PCDHA6: variants seen among roughly 807,000 people sequenced by gnomAD.
The protein encoded by PCDHA6 is protocadherin alpha 6, also known as protocadherin alpha-6.
A neutral mutation model predicts 60.3 loss-of-function variants in PCDHA6; 55 were observed. The observed-to-expected ratio is 0.91, with a 90% confidence interval of 0.73 to 1.14. The LOEUF (loss-of-function observed/expected upper bound fraction) is 1.14, where lower values mean the gene tolerates loss of function less well. Among genes scored for constraint, PCDHA6 ranks in the 50% most tolerant of loss-of-function variants. The probability of loss-of-function intolerance (pLI) is 0.00; values close to 1 mark genes in which losing one functional copy is unlikely to be tolerated. For synonymous variants in PCDHA6, 652 were observed against 557.9 expected, an observed-to-expected ratio of 1.17 and a Z score of -2.38; for missense variants, 1,327 against 1,256.5, an observed-to-expected ratio of 1.06 and a Z score of -0.85.
At chr5:140,934,029 T>A (rs1267400545) in intron 1 of PCDHA6, among the ~76,000 whole-genome samples, 1 of 152,114 alleles carries the variant, frequency 6.6e-6, no homozygotes, top group Admixed American at 6.5e-5. Flanking sequence ...GGAAGTAGTT[T>A]ATTAATGATA....
intron 1 of PCDHA6, among the ~76,000 whole-genome samples, chr5:140,844,768 A>T (rs1393126027): frequency 6.7e-6 from 1 of 149,242 alleles, no homozygotes; most frequent in African/African-American, 2.5e-5. Context: ...AAAATCCAAG[A>T]TACTTTATTT....
At chr5:140,835,995 C>G in intron 1 of PCDHA6, 7 of 1,613,324 alleles carry the variant, frequency 4.3e-6, no homozygotes, top group Non-Finnish European at 5.1e-6. Context: ...GGTGAGCGCG[C>G]GCGATGCGGG....
intron 3 of PCDHA6, among the ~76,000 whole-genome samples, chr5:140,995,012 AGG>A (rs1360435760): frequency 6.6e-6 from 1 of 152,218 alleles, no homozygotes; most frequent in Non-Finnish European, 1.5e-5. Context: ...GTTTATATTT[AGG>A]AAAGAAGATT....
intron 1 of PCDHA6, among the ~76,000 whole-genome samples, chr5:140,887,453 T>C (rs2061454477): frequency 6.6e-6 from 1 of 152,178 alleles, no homozygotes; most frequent in Non-Finnish European, 1.5e-5. Flanking sequence ...TGACAGTTTT[T>C]TAAAAGATAT....
intron 1 of PCDHA6, among the ~76,000 whole-genome samples, chr5:140,894,375 T>G (rs1246573357): frequency 1.3e-5 from 2 of 152,054 alleles, no homozygotes; most frequent in Non-Finnish European, 2.9e-5. Context: ...ATGGCTCCAA[T>G]TATATTTGTA....
At chr5:140,872,920 T>C (rs2153277088) in intron 1 of PCDHA6, among the ~76,000 whole-genome samples, 1 of 152,356 alleles carries the variant, frequency 6.6e-6, no homozygotes, top group South Asian at 2.1e-4. Flanking sequence ...TAATGCCTTA[T>C]CTCTAATGTT....
At chr5:140,902,933 T>C (rs898632295) in intron 1 of PCDHA6, among the ~76,000 whole-genome samples, 56 of 152,346 alleles carry the variant, frequency 3.7e-4, no homozygotes, top group African/African-American at 1.2e-3. Flanking sequence ...GGTGTATATA[T>C]ACCACATTTT....
chr5:140,829,482 T>C lies in PCDHA6; in HGVS notation c.1391T>C (p.Val464Ala). 1.2e-6 allele frequency: 2 copies of C among 1,613,684 alleles called. No homozygotes were observed. Among genetic ancestry groups the C allele is most frequent in the Non-Finnish European group, 1.7e-6 (2 of 1,179,990 alleles). ...AFAQPEYTVF[V>A]KENNPPGCHI... ...GCGCAGCCCGAGTACACAGTGTTCG[T>C]GAAGGAGAACAACCCGCCGGGCTGC... Residue 464 changes from valine (V) to alanine (A), a missense_variant, in exon 1 of 4, where the codon GTG becomes GCG. By Grantham distance (64) the Val-to-Ala change is moderately conservative. Transcript: ENST00000529310.
chr5:140,934,349 T>C (rs1466597753), intron 1 of PCDHA6, among the ~76,000 whole-genome samples: 2 of 152,202 alleles, frequency 1.3e-5, no homozygotes, highest in African/African-American at 4.8e-5. Flanking sequence ...CAGTACAGTG[T>C]GGAGCCACTG....
chr5:140,972,469 C>G (rs782470724), intron 1 of PCDHA6, among the ~76,000 whole-genome samples: 6 of 152,054 alleles, frequency 3.9e-5, no homozygotes, highest in Admixed American at 3.9e-4. Context: ...TATTAAACAT[C>G]AGCATTTAAC....
intron 1 of PCDHA6, chr5:140,836,477 G>A: frequency 1.9e-6 from 3 of 1,613,846 alleles, no homozygotes; most frequent in South Asian, 1.1e-5. Flanking sequence ...ATGTCAACGT[G>A]TACCTGATCA....
chr5:140,861,263 C>T (rs1441824689), intron 1 of PCDHA6: 2 of 174,012 alleles, frequency 1.1e-5, no homozygotes, highest in African/African-American at 4.8e-5. Context: ...ATCCCGGAGC[C>T]TACAGCACTG....
chr5:140,861,591 A>G, intron 1 of PCDHA6: 1 of 374,610 alleles, frequency 2.7e-6, no homozygotes, highest in South Asian at 2.5e-5. Context: ...TGTGGAGGTG[A>G]AAGTGAAGAA....
chr5:140,894,571 T>A (rs782019282), intron 1 of PCDHA6, among the ~76,000 whole-genome samples: 5 of 151,906 alleles, frequency 3.3e-5, no homozygotes, highest in Non-Finnish European at 5.9e-5. Context: ...TTATTTTCCT[T>A]TTTTTTAATA....
chr5:140,958,419 A>C (rs1275772647), intron 1 of PCDHA6, among the ~76,000 whole-genome samples: 1 of 152,196 alleles, frequency 6.6e-6, no homozygotes, highest in Non-Finnish European at 1.5e-5. Flanking sequence ...GCTTGGAAAG[A>C]AGCACTTTTT....
rs2150220578 is a variant in PCDHA6 at position 140,834,540 on chromosome 5, G to A, written c.2394+4055G>A. ...CGTGGGCCGCATCGCGCAGGACCTG[G>A]GGCTGGAGCTGGCGGAGCTGGTGCC... On this transcript the variant is annotated intron_variant, in intron 1 of 3. Transcript: ENST00000529310. The A allele has an allele frequency of 7.4e-6, 12 of 1,614,082 alleles. No individual in the cohort carries two copies. The Admixed American group carries it at 1.0e-4, about 13-fold the overall frequency.
chr5:140,870,315 C>T, intron 1 of PCDHA6: 1 of 1,614,234 alleles, frequency 6.2e-7, no homozygotes, highest in Non-Finnish European at 8.5e-7. Context: ...AGAATTACTA[C>T]TCGTTGGTGC....
rs1210767626 is a variant in PCDHA6 at position 141,010,197 on chromosome 5, C to G, written c.*260C>G. 83 of 1,552,082 alleles carry G rather than the reference C, an allele frequency of 5.3e-5. No homozygotes were observed. Among genetic ancestry groups the G allele is most frequent in the Non-Finnish European group, 6.6e-5 (76 of 1,147,118 alleles). On this transcript the variant is annotated 3_prime_UTR_variant, in exon 4 of 4. Coordinates refer to ENST00000529310, the MANE Select transcript of PCDHA6 (RefSeq NM_018909.4). ...AAAAGCAGACCCAAGTTTCCTTTCT[C>G]CTCCGCCGCAAAGGAGAGGCTTCCC...
At chr5:140,908,142 A>G (rs1371459142) in intron 1 of PCDHA6, among the ~76,000 whole-genome samples, 1 of 152,158 alleles carries the variant, frequency 6.6e-6, no homozygotes, top group Non-Finnish European at 1.5e-5. Flanking sequence ...TCCTTCAGGT[A>G]TGTCCTAGGA....
Sources: gnomAD v4.1 joint callset for allele counts (sites outside exome capture counted in the v4.1 genomes callset) on GRCh38, gnomAD v4.1.1 for gene constraint, MANE v1.5 for transcripts, NCBI Gene and HGNC (gene_info 2026-07-23, HGNC 2026-07-21) for gene names.